The following DIP2A variants were observed in gnomAD, a reference collection of about 807,000 sequenced individuals.
DIP2A encodes disco-interacting protein 2 homolog A.
In DIP2A, 85 loss-of-function variants were observed where a neutral mutation model predicts 177.4. That is an observed-to-expected ratio of 0.48 (90% CI 0.40 to 0.57). The LOEUF (loss-of-function observed/expected upper bound fraction) is 0.57. DIP2A is among the 20% of genes least tolerant of loss of function. DIP2A has a pLI of 0.00. For synonymous variants in DIP2A, 886 were observed against 881.8 expected (o/e 1.00, Z -0.08); for missense variants, 1,791 against 2,100.2 (o/e 0.85, Z 2.88).
intron 32 of DIP2A, 144 bp from the exon 33 acceptor site, chr21:46,560,577 AG>A: frequency 9.6e-7 from 1 of 1,042,100 alleles, no homozygotes; most frequent in Admixed American, 2.5e-5. Context: ...TTGAACCCCT[AG>A]GCGGACTCAC....
At chr21:46,547,450 C>G (rs2060098555) in intron 21 of DIP2A, among the ~76,000 whole-genome samples, 3 of 152,140 alleles carry the variant, frequency 2.0e-5, no homozygotes. Context: ...AAAATCAACT[C>G]AACTTTTCTA....
intron 22 of DIP2A, 48 bp from the exon 23 acceptor site, chr21:46,550,495 C>G (rs2060231712): frequency 1.3e-6 from 2 of 1,568,708 alleles, no homozygotes; most frequent in African/African-American, 2.7e-5. Context: ...CAGCATCTCC[C>G]CAGCCTCAAG....
chr21:46,538,953 G>A (rs993720733), intron 16 of DIP2A: 31 of 212,918 alleles, frequency 1.5e-4, no homozygotes, highest in Non-Finnish European at 2.4e-4. Flanking sequence ...GTGCCCCCAC[G>A]TCTCTGGCTT....
chr21:46,557,302 T>G lies in DIP2A; in HGVS notation c.3629+233T>G. The G allele has an allele frequency of 1.6e-6, 1 of 629,200 alleles. No individual in the cohort carries two copies. The highest frequency in any genetic ancestry group is 2.7e-6 in the Non-Finnish European group (1 of 369,466). 39.0% of individuals were successfully genotyped at this position (629,200 alleles called of 1,614,324 possible). A position where few individuals can be genotyped will look rare whatever the true frequency, so the allele number is the denominator to read the frequency against. ...ACTTGGGAAGAATCTGCTTGATTCC[T>G]TCAAACACTAGAAAGTGGCGATCCG... On this transcript the variant is annotated intron_variant, in intron 30 of 37. Transcript: ENST00000417564. The surrounding 1 kb of genome is among the most constrained non-coding windows in gnomAD (Gnocchi z 6.0).
chr21:46,477,999 G>A (rs1453257000), intron 1 of DIP2A, among the ~76,000 whole-genome samples: 1 of 152,166 alleles, frequency 6.6e-6, no homozygotes, highest in Non-Finnish European at 1.5e-5. Context: ...ACATTTGGAA[G>A]AGGCTATCCT....
At chr21:46,504,004 G>T (rs564550758) in intron 5 of DIP2A, among the ~76,000 whole-genome samples, 1 of 152,234 alleles carries the variant, frequency 6.6e-6, no homozygotes, top group Non-Finnish European at 1.5e-5. Context: ...GGGATTACAG[G>T]TGTCAGCCAC....
intron 12 of DIP2A, among the ~76,000 whole-genome samples, chr21:46,534,338 G>A (rs1006438141): frequency 3.3e-5 from 5 of 152,168 alleles, no homozygotes; most frequent in African/African-American, 1.2e-4. Flanking sequence ...TGGGGATGCA[G>A]ACAGTTATGA....
intron 18 of DIP2A, among the ~76,000 whole-genome samples, chr21:46,542,852 C>G (rs1294026228): frequency 6.6e-6 from 1 of 152,228 alleles, no homozygotes; most frequent in East Asian, 1.9e-4. Context: ...GGCTCAGCGT[C>G]CTGGCCCTTG....
At chr21:46,521,398 A>G (rs545154634) in intron 8 of DIP2A, among the ~76,000 whole-genome samples, 1 of 152,324 alleles carries the variant, frequency 6.6e-6, no homozygotes, top group East Asian at 1.9e-4. Context: ...CATGTTGGCC[A>G]GGCTTATCTC....
In DIP2A at chr21:46,464,844, T is replaced by TTTTTTTTTTC. The variant is rs58546395; in HGVS notation, c.91+5622_91+5623insTTTTTTTTTC. Among the ~76,000 whole-genome samples, 42 of 111,214 alleles carry TTTTTTTTTTC rather than the reference T, an allele frequency of 3.8e-4. 2 individuals are homozygous for TTTTTTTTTTC. The highest frequency in any genetic ancestry group is 1.7e-3 in the African/African-American group (41 of 23,978). 73.0% of individuals were successfully genotyped at this position (111,214 alleles called of 152,430 possible). On this transcript the variant is annotated intron_variant, in intron 1 of 37. Transcript: ENST00000417564. Reference sequence around the variant, plus strand: ...TTTTTTTTTTTTTTTTTTTTTTTTTTCAAGAAAACACACAACAAATGTCAG... The same window carrying TTTTTTTTTTC: ...TTTTTTTTTTTTTTTTTTTTTTTTTTTTTTTTTTTCCAAGAAAACACACAACAAATGTCAG...
intron 1 of DIP2A, among the ~76,000 whole-genome samples, chr21:46,471,348 T>G (rs1395712265): frequency 6.6e-6 from 1 of 152,202 alleles, no homozygotes; most frequent in Non-Finnish European, 1.5e-5. Flanking sequence ...TTTTTGTTTT[T>G]TAAGAGCAGT....
At position 46,558,333 on chromosome 21, in the gene DIP2A, G is replaced by T; in HGVS notation, c.3909G>T (p.Leu1303=). Residue 1303 remains leucine, a synonymous_variant, in exon 32 of 38, where the codon CTG becomes CTT. Coordinates refer to ENST00000417564, the MANE Select transcript of DIP2A (RefSeq NM_015151.4). Reference sequence around the variant, plus strand: ...CCAAGCTCTTCAAGGACCTGGGCCTGCCGGCCCGCGCCGTAAGCACCACGT... The same window carrying T: ...CCAAGCTCTTCAAGGACCTGGGCCTTCCGGCCCGCGCCGTAAGCACCACGT... ...SFSKLFKDLG[L]PARAVSTTFG... 6.2e-7 allele frequency: 1 copy of T among 1,606,242 alleles called. No individual in the cohort carries two copies. The highest frequency in any genetic ancestry group is 8.5e-7 in the Non-Finnish European group (1 of 1,177,384).
At chr21:46,576,863 A>G in the DIP2A span, among the ~76,000 whole-genome samples, 1 of 152,062 alleles carries the variant, frequency 6.6e-6, no homozygotes, top group African/African-American at 2.4e-5. Context: ...TTTGACTTGC[A>G]TTTCTCTAAT....
intron 1 of DIP2A, among the ~76,000 whole-genome samples, chr21:46,473,470 G>T (rs982111955): frequency 2.0e-4 from 30 of 148,272 alleles, no homozygotes; most frequent in Non-Finnish European, 3.4e-4. Flanking sequence ...AAAAAAAAGG[G>T]GGGGGGGCCA....
In DIP2A at chr21:46,537,314, C is replaced by G. The variant is rs1403689047; in HGVS notation, c.1707+26C>G. ...GTGAGTGTTGTTTGCTGATGACTAA[C>G]TGTTGGAACAAGGGATTGAGATGAA... On this transcript the variant is annotated intron_variant, in intron 14 of 37. Transcript: ENST00000417564. The surrounding 1 kb of genome is among the most constrained non-coding windows in gnomAD (Gnocchi z 4.1). 3 of 1,613,378 alleles carry G rather than the reference C, an allele frequency of 1.9e-6. No individual in the cohort carries two copies. Among genetic ancestry groups the G allele is most frequent in the Non-Finnish European group, 2.5e-6 (3 of 1,179,418 alleles).
intron 19 of DIP2A, 67 bp from the exon 20 acceptor site, chr21:46,545,814 G>C: frequency 1.0e-5 from 16 of 1,578,316 alleles, no homozygotes; most frequent in Non-Finnish European, 1.3e-5. Flanking sequence ...CCTGCCGCCT[G>C]CTGGGTCTTT....
At position 46,459,115 on chromosome 21, in the gene DIP2A, C is replaced by A; in HGVS notation, c.-17C>A. On this transcript the variant is annotated 5_prime_UTR_variant, in exon 1 of 38. Coordinates refer to ENST00000417564, the MANE Select transcript of DIP2A (RefSeq NM_015151.4). ...GGTCCGGTTCCAGCCTCTGCCCGGA[C>A]GCTAGCCGGCCTGGCCATGGCTGAC... 1 of 1,477,974 alleles carries A rather than the reference C, an allele frequency of 6.8e-7. No individual in the cohort carries two copies. Among genetic ancestry groups the A allele is most frequent in the Non-Finnish European group, 8.9e-7 (1 of 1,117,408 alleles). 91.6% of individuals were successfully genotyped at this position (1,477,974 alleles called of 1,614,324 possible). A position where few individuals can be genotyped will look rare whatever the true frequency, so the allele number is the denominator to read the frequency against.
At chr21:46,468,774 C>T (rs2055088356) in intron 1 of DIP2A, among the ~76,000 whole-genome samples, 1 of 152,106 alleles carries the variant, frequency 6.6e-6, no homozygotes, top group South Asian at 2.1e-4. Context: ...GATGGTTTCA[C>T]AGGGATATAC....
At chr21:46,469,087 A>T in intron 1 of DIP2A, 1 of 152,190 alleles carries the variant, frequency 6.6e-6, no homozygotes, top group East Asian at 1.9e-4. Flanking sequence ...CTCTTGTAGG[A>T]TCATAATTAT....
Sources: gnomAD v4.1 joint callset for allele counts (sites outside exome capture counted in the v4.1 genomes callset) on GRCh38, gnomAD v4.1.1 for gene constraint, Gnocchi (gnomAD v3.1) non-coding constraint, MANE v1.5 for transcripts, NCBI Gene and HGNC (gene_info 2026-07-23, HGNC 2026-07-21) for gene names.